CLIC5: variants seen among roughly 807,000 people sequenced by gnomAD.
CLIC5 encodes chloride intracellular channel protein 5.
Under a neutral mutation model 24.7 loss-of-function variants are expected in CLIC5, and 20 were observed. That is an observed-to-expected ratio of 0.81 (90% CI 0.57 to 1.18). The LOEUF is 1.18. Among genes scored for constraint, CLIC5 ranks in the 50% most tolerant of loss-of-function variants. The probability of loss-of-function intolerance (pLI) is 0.00; values close to 1 mark genes in which losing one functional copy is unlikely to be tolerated. For missense variants in CLIC5, 341 were observed against 326.1 expected (o/e 1.05, Z -0.35); for synonymous variants, 159 against 135.6 (o/e 1.17, Z -1.20).
chr6:46,022,833 C>G (rs1173679678), intron 1 of CLIC5, among the ~76,000 whole-genome samples: 9 of 152,120 alleles, frequency 5.9e-5, no homozygotes. Context: ...TTTTAGAAGC[C>G]CCTGAGAACA....
At chr6:46,077,163 A>G (rs1167243923) in intron 1 of CLIC5, among the ~76,000 whole-genome samples, 1 of 152,008 alleles carries the variant, frequency 6.6e-6, no homozygotes, top group Non-Finnish European at 1.5e-5. Context: ...CTGACATAAG[A>G]TCTGTTGAAT....
intron 1 of CLIC5, among the ~76,000 whole-genome samples, chr6:45,996,309 T>C (rs1190170561): frequency 6.6e-6 from 1 of 152,110 alleles, no homozygotes; most frequent in African/African-American, 2.4e-5. Flanking sequence ...CTGTTCACTC[T>C]GATGGTAGTT....
intron 2 of CLIC5, among the ~76,000 whole-genome samples, chr6:45,951,850 GAATTTCA>G (rs1340711068): frequency 6.6e-6 from 1 of 152,022 alleles, no homozygotes. Flanking sequence ...GGGAAGAGAA[GAATTTCA>G]ATTACTGTGC....
chr6:46,082,437 C>T (rs2127480283), upstream of CLIC5, among the ~76,000 whole-genome samples: 1 of 152,312 alleles, frequency 6.6e-6, no homozygotes, highest in Middle Eastern at 3.4e-3. Flanking sequence ...CCTACAATGG[C>T]TCCCCATTTA....
At chr6:46,060,991 G>A (rs1762250573) in intron 1 of CLIC5, among the ~76,000 whole-genome samples, 1 of 152,098 alleles carries the variant, frequency 6.6e-6, no homozygotes, top group Non-Finnish European at 1.5e-5. Flanking sequence ...TGCACATTAG[G>A]TACAGAGTGC....
At chr6:46,012,052 T>C (rs529105527) in intron 1 of CLIC5, among the ~76,000 whole-genome samples, 83 of 152,298 alleles carry the variant, frequency 5.4e-4, no homozygotes, top group Middle Eastern at 3.4e-3. Flanking sequence ...TCACAGCAAA[T>C]CTACAATGAC....
Position 45,990,863 on chromosome 6 carries a change from G to A in CLIC5, c.63+24617C>T, listed in dbSNP as rs143307904. 2.2e-3 allele frequency among the ~76,000 whole-genome samples: 338 copies of A among 152,280 alleles called. 1 individual carries two copies. Among genetic ancestry groups the A allele is most frequent in the African/African-American group, 7.7e-3 (320 of 41,554 alleles). ...GTCAGACAAACCTGGATTCAAGACCGGGTTCTTCTCCTACCAGCTCTGTGA... is the reference window on the plus strand; with the variant it reads ...GTCAGACAAACCTGGATTCAAGACCAGGTTCTTCTCCTACCAGCTCTGTGA... On this transcript the variant is annotated intron_variant, in intron 1 of 5. Transcript: ENST00000339561.
chr6:46,015,578 G>C lies in CLIC5; in HGVS notation c.-36C>G. The C allele has an allele frequency of 6.5e-7, 1 of 1,543,244 alleles. No homozygotes were observed. Among genetic ancestry groups the C allele is most frequent in the Non-Finnish European group, 8.7e-7 (1 of 1,145,038 alleles). The stretch of plus-strand genomic sequence containing the variant: ...CCCGGGGCTACCGTCCCGGGCCGGG[G>C]AGGCGCCACCTCTGCAGCACCTGGG... On this transcript the variant is annotated 5_prime_UTR_variant, in exon 1 of 6. Transcript: ENST00000339561.
the CLIC5 span, among the ~76,000 whole-genome samples, chr6:46,086,063 ACCT>A: frequency 2.6e-5 from 4 of 152,062 alleles, no homozygotes; most frequent in African/African-American, 9.7e-5. Flanking sequence ...GTGGGATATA[ACCT>A]CCTGGTGCGC....
intron 5 of CLIC5, chr6:45,911,746 T>G: frequency 5.1e-6 from 5 of 985,438 alleles, no homozygotes; most frequent in Non-Finnish European, 6.0e-6. Flanking sequence ...CTTGTTTGTC[T>G]CCAGGGCTGA....
chr6:46,061,181 TTTTGTTTG>T lies in CLIC5; in HGVS notation c.540+18514_540+18521del, dbSNP rs70996361. 1.5e-3 allele frequency among the ~76,000 whole-genome samples: 231 copies of T among 152,030 alleles called. 1 individual carries two copies. Among genetic ancestry groups the T allele is most frequent in the African/African-American group, 4.9e-3 (204 of 41,484 alleles). ...CACCTTTATAGATTTTTGTTTTTGT[TTTTGTTTG>T]TTTGTTTGTTTGTTTGTTTTAGACG... On this transcript the variant is annotated intron_variant, in intron 1 of 5. Transcript: ENST00000185206.
chr6:46,070,354 T>A (rs115809989), intron 1 of CLIC5, among the ~76,000 whole-genome samples: 1 of 152,182 alleles, frequency 6.6e-6, no homozygotes, highest in Non-Finnish European at 1.5e-5. Flanking sequence ...CTCCTTAAGC[T>A]AGTAAGCAAC....
chr6:45,930,919 G>A (rs909595997), intron 4 of CLIC5, among the ~76,000 whole-genome samples: 10 of 152,298 alleles, frequency 6.6e-5, no homozygotes, highest in Middle Eastern at 3.4e-3. Flanking sequence ...TTGTAGCCAC[G>A]GACTGCCTAA....
At chr6:45,885,489 A>G (rs1176530420) in intron 6 of CLIC5, among the ~76,000 whole-genome samples, 2 of 152,194 alleles carry the variant, frequency 1.3e-5, no homozygotes, top group Non-Finnish European at 1.5e-5. Context: ...GAAGATCGTT[A>G]TTAAAAATAT....
chr6:46,085,463 C>T, the CLIC5 span, among the ~76,000 whole-genome samples: 1 of 152,134 alleles, frequency 6.6e-6, no homozygotes, highest in African/African-American at 2.4e-5. Context: ...GTGTGGATGT[C>T]CTTTCTGTTT....
intron 1 of CLIC5, among the ~76,000 whole-genome samples, chr6:45,958,260 C>A (rs1309253275): frequency 1.3e-5 from 2 of 151,216 alleles, no homozygotes; most frequent in African/African-American, 2.4e-5. Context: ...TGGCAGACAC[C>A]AAAAGCTAGA....
chr6:46,103,957 C>T, the CLIC5 span, among the ~76,000 whole-genome samples: 3 of 152,078 alleles, frequency 2.0e-5, no homozygotes, highest in East Asian at 5.8e-4. Context: ...TGGTAAAAAG[C>T]ACTGTTTCTT....
chr6:46,013,908 G>A (rs148430927), intron 1 of CLIC5, among the ~76,000 whole-genome samples: 181 of 152,258 alleles, frequency 1.2e-3, no homozygotes, highest in Middle Eastern at 0.01. Context: ...CACCCCTAGG[G>A]CCCAGGCCTG....
intron 1 of CLIC5, among the ~76,000 whole-genome samples, chr6:46,049,254 C>A (rs6902893): frequency 0.45 from 68,915 of 151,956 alleles, 15,553 homozygotes; most frequent in Admixed American, 0.49. Context: ...TAGGTTTCAT[C>A]CTTTAAATAA....
Sources: allele counts gnomAD v4.1 joint callset (sites outside exome capture counted in the v4.1 genomes callset), GRCh38; gene constraint gnomAD v4.1.1; transcripts MANE v1.5; gene names NCBI Gene and HGNC (gene_info 2026-07-23, HGNC 2026-07-21).